The following EPHA3 variants were observed in gnomAD, a reference collection of about 807,000 sequenced individuals.
EPHA3 encodes ephrin type-A receptor 3.
A neutral mutation model predicts 107.1 loss-of-function variants in EPHA3; 42 were observed. The observed-to-expected ratio is 0.39, with a 90% CI of 0.31 to 0.51. The LOEUF is 0.51. Among genes scored for constraint, EPHA3 ranks in the 20% least tolerant of loss-of-function variants. The probability of loss-of-function intolerance (pLI) is 0.78; values close to 1 mark genes in which losing one functional copy is unlikely to be tolerated. For missense variants in EPHA3, 1,183 were observed against 1,211.2 expected (o/e 0.98, Z 0.35); for synonymous variants, 461 against 424.8 (o/e 1.09, Z -1.05).
intron 2 of EPHA3, among the ~76,000 whole-genome samples, chr3:89,128,385 G>T (rs562545303): frequency 7.2e-4 from 110 of 152,158 alleles, no homozygotes; most frequent in Admixed American, 1.6e-3. Flanking sequence ...CCAGGATTTG[G>T]TTTTCCCAGA....
At chr3:89,264,398 G>T (rs1219254440) in intron 3 of EPHA3, among the ~76,000 whole-genome samples, 1 of 152,046 alleles carries the variant, frequency 6.6e-6, no homozygotes, top group Non-Finnish European at 1.5e-5. Context: ...TCAGTCCTAT[G>T]AATCTGCAGA....
intron 1 of EPHA3, among the ~76,000 whole-genome samples, chr3:89,118,543 G>T (rs1707307800): frequency 1.3e-5 from 2 of 151,652 alleles, no homozygotes; most frequent in Admixed American, 6.6e-5. Context: ...GTTTGGCCAG[G>T]TGTGTAGTAG....
intron 2 of EPHA3, among the ~76,000 whole-genome samples, chr3:89,205,515 TCTTATA>T (rs1197065247): frequency 2.6e-5 from 4 of 152,140 alleles, no homozygotes; most frequent in African/African-American, 9.7e-5. Flanking sequence ...TGCATAGGTT[TCTTATA>T]CTTGAAATGA....
At chr3:89,288,570 T>G (rs1289252344) in intron 3 of EPHA3, among the ~76,000 whole-genome samples, 2 of 152,170 alleles carry the variant, frequency 1.3e-5, no homozygotes, top group African/African-American at 4.8e-5. Context: ...GATACCGACT[T>G]GAACCAATAC....
At chr3:89,432,890 A>G (rs1464161364) in intron 13 of EPHA3, among the ~76,000 whole-genome samples, 1 of 152,132 alleles carries the variant, frequency 6.6e-6, no homozygotes, top group Non-Finnish European at 1.5e-5. Flanking sequence ...ACTTAAAAAT[A>G]TAAAATACAT....
intron 3 of EPHA3, among the ~76,000 whole-genome samples, chr3:89,246,820 C>T (rs1244662858): frequency 1.6e-4 from 24 of 151,708 alleles, no homozygotes; most frequent in Admixed American, 1.2e-3. Flanking sequence ...TTTTATTTTG[C>T]TCCTTATTAC....
At chr3:89,289,864 T>A (rs186471003) in intron 3 of EPHA3, among the ~76,000 whole-genome samples, 71 of 152,228 alleles carry the variant, frequency 4.7e-4, no homozygotes, top group African/African-American at 1.7e-3. Flanking sequence ...AGAAAGTGGA[T>A]CCCTTTATAC....
rs541327695 is a variant in EPHA3 at position 89,281,309 on chromosome 3, G to A, written c.815-59607G>A. Among the ~76,000 whole-genome samples the A allele has an allele frequency of 5.6e-4, 85 of 152,248 alleles. 1 individual carries two copies. Among genetic ancestry groups the A allele is most frequent in the Non-Finnish European group, 1.0e-3 (71 of 68,018 alleles). ...TAAAGTGCTAGGATTACAGGCATGG[G>A]CCACCACACCGGGCCTCTCACAACA... On this transcript the variant is annotated intron_variant, in intron 3 of 16. Coordinates refer to ENST00000336596, the MANE Select transcript of EPHA3 (RefSeq NM_005233.6).
intron 2 of EPHA3, among the ~76,000 whole-genome samples, chr3:89,167,711 T>G (rs187394978): frequency 6.6e-6 from 1 of 152,236 alleles, no homozygotes; most frequent in Middle Eastern, 3.4e-3. Context: ...AGGGAGTATC[T>G]GAGGACTAAC....
At chr3:89,444,268 A>G (rs1404033656) in intron 13 of EPHA3, among the ~76,000 whole-genome samples, 1 of 152,132 alleles carries the variant, frequency 6.6e-6, no homozygotes, top group Non-Finnish European at 1.5e-5. Flanking sequence ...TGTAGAACAT[A>G]AAGAGTTTGA....
At chr3:89,180,715 T>A (rs1705425032) in intron 2 of EPHA3, among the ~76,000 whole-genome samples, 1 of 151,700 alleles carries the variant, frequency 6.6e-6, no homozygotes, top group Non-Finnish European at 1.5e-5. Flanking sequence ...TTGTCATTTA[T>A]TTTTCTCTGT....
intron 3 of EPHA3, among the ~76,000 whole-genome samples, chr3:89,237,089 T>C (rs1336928607): frequency 1.3e-5 from 2 of 152,170 alleles, no homozygotes; most frequent in African/African-American, 4.8e-5. Flanking sequence ...AAGCCAGACA[T>C]GGTGACTCAT....
At chr3:89,362,058 G>A (rs945965332) in intron 5 of EPHA3, among the ~76,000 whole-genome samples, 1 of 151,192 alleles carries the variant, frequency 6.6e-6, no homozygotes, top group Non-Finnish European at 1.5e-5. Context: ...AAGTAGAGTA[G>A]TATGACACCT....
chr3:89,184,028 G>T (rs1705504209), intron 2 of EPHA3, among the ~76,000 whole-genome samples: 1 of 151,382 alleles, frequency 6.6e-6, no homozygotes. Context: ...TTTAAGGTTT[G>T]ACCTTTTCCT....
rs1432538601 is a variant in EPHA3 at position 89,367,496 on chromosome 3, T to C, written c.1306+25406T>C. On this transcript the variant is annotated intron_variant, in intron 5 of 16. Transcript: ENST00000336596. ...TGCTGAACTCTTGATAAAATCATTG[T>C]CAGATTAATCACATTAGCATATAGT... Among the ~76,000 whole-genome samples the C allele has an allele frequency of 2.0e-5, 3 of 150,626 alleles. No individual in the cohort carries two copies. The East Asian group carries it at 5.8e-4, about 29-fold the overall frequency.
chr3:89,393,206 C>A (rs1344250147), intron 5 of EPHA3, among the ~76,000 whole-genome samples: 5 of 152,120 alleles, frequency 3.3e-5, no homozygotes, highest in Non-Finnish European at 7.4e-5. Flanking sequence ...ATAGCGATGG[C>A]ACAAGCTTCA....
At chr3:89,155,520 C>T (rs1219307156) in intron 2 of EPHA3, among the ~76,000 whole-genome samples, 5 of 151,956 alleles carry the variant, frequency 3.3e-5, no homozygotes, top group African/African-American at 4.8e-5. Flanking sequence ...AGAAAGATTT[C>T]AGATTAGATT....
intron 3 of EPHA3, among the ~76,000 whole-genome samples, chr3:89,244,035 G>A (rs1018894350): frequency 2.6e-5 from 4 of 151,940 alleles, no homozygotes; most frequent in African/African-American, 9.7e-5. Context: ...TACAAATATG[G>A]TGCTGTGACT....
chr3:89,154,762 A>G (rs1481716392), intron 2 of EPHA3, among the ~76,000 whole-genome samples: 1 of 151,180 alleles, frequency 6.6e-6, no homozygotes, highest in Non-Finnish European at 1.5e-5. Flanking sequence ...GGAACTTTAA[A>G]AAAAACAGGA....
Sources: gnomAD v4.1 joint callset for allele counts (sites outside exome capture counted in the v4.1 genomes callset) on GRCh38, gnomAD v4.1.1 for gene constraint, MANE v1.5 for transcripts, NCBI Gene and HGNC (gene_info 2026-07-23, HGNC 2026-07-21) for gene names.